CHID1: variants seen among roughly 807,000 people sequenced by gnomAD.
CHID1 encodes chitinase domain-containing protein 1.
A neutral mutation model predicts 55.4 loss-of-function variants in CHID1; 44 were observed. The ratio of observed to expected loss-of-function variants is 0.79; its 90% CI spans 0.62 to 1.02. CHID1 has a LOEUF of 1.02. Ranked by LOEUF, CHID1 falls within the 50% of genes least tolerant of loss-of-function variation. CHID1 has a pLI of 0.00. For missense variants in CHID1, 491 were observed against 515.3 expected, an observed-to-expected ratio of 0.95 and a Z score of 0.46; for synonymous variants, 216 against 212.9, an observed-to-expected ratio of 1.01 and a Z score of -0.13.
At chr11:905,265 G>A (rs937677100) in intron 1 of CHID1, among the ~76,000 whole-genome samples, 2 of 152,278 alleles carry the variant, frequency 1.3e-5, no homozygotes, top group South Asian at 2.1e-4. Flanking sequence ...GCTGGGCCAC[G>A]TGGCGGCTCA....
chr11:883,416 TAG>T, intron 9 of CHID1, 113 bp from the exon 10 acceptor site: 1 of 1,114,648 alleles, frequency 9.0e-7, no homozygotes. Context: ...CTGACACCTC[TAG>T]AGAGTTGTAA....
intron 8 of CHID1, among the ~76,000 whole-genome samples, chr11:891,193 C>T (rs1850790049): frequency 6.6e-6 from 1 of 152,172 alleles, no homozygotes. Flanking sequence ...CTTCACCGGC[C>T]CCGCCGACTG....
chr11:900,080 T>TA lies in CHID1; in HGVS notation c.469dup (p.Tyr157LeufsTer3). 1 of 1,613,926 alleles carries TA rather than the reference T, an allele frequency of 6.2e-7. No individual in the cohort carries two copies. Among genetic ancestry groups the TA allele is most frequent in the Non-Finnish European group, 8.5e-7 (1 of 1,179,924 alleles). Reference sequence around the variant, plus strand: ...GTCTAAGACGTTCCGGAAATCATCGTAAGTCCAGTCCTCAAACAGGAGCCG... The same window carrying TA: ...GTCTAAGACGTTCCGGAAATCATCGTAAAGTCCAGTCCTCAAACAGGAGCCG... On this transcript the variant is annotated frameshift_variant, in exon 6 of 13. Transcript: ENST00000323578. LOFTEE classifies it high-confidence loss of function.
At chr11:907,373 C>T (rs552434722) in intron 1 of CHID1, among the ~76,000 whole-genome samples, 13 of 151,798 alleles carry the variant, frequency 8.6e-5, no homozygotes, top group Non-Finnish European at 1.5e-4. Context: ...CCCAGCTATT[C>T]GAGAGGCTGA....
rs574715394 is a variant in CHID1 at position 885,879 on chromosome 11, G to A, written c.702-1710C>T. 5.9e-5 allele frequency among the ~76,000 whole-genome samples: 9 copies of A among 152,278 alleles called. No individual in the cohort carries two copies. The East Asian group carries it at 1.4e-3, about 23-fold the overall frequency. Reference sequence around the variant, plus strand: ...TTCAAAAAGGAAAAATGGGCCGGGCGCAGTGGCTCACGCCTGTAATCCCAG... The same window carrying A: ...TTCAAAAAGGAAAAATGGGCCGGGCACAGTGGCTCACGCCTGTAATCCCAG... On this transcript the variant is annotated intron_variant, in intron 8 of 12. Coordinates refer to ENST00000323578, the MANE Select transcript of CHID1 (RefSeq NM_023947.4).
chr11:910,074 T>A (rs937860070), intron 1 of CHID1, among the ~76,000 whole-genome samples: 3 of 151,262 alleles, frequency 2.0e-5, no homozygotes, highest in Admixed American at 6.6e-5. Context: ...AAAAAAAAAA[T>A]TCTTAGCTGA....
In CHID1 at chr11:906,757, G is replaced by A. The variant is rs376615600; in HGVS notation, c.-43-1898C>T. Among the ~76,000 whole-genome samples, 50 of 152,268 alleles carry A rather than the reference G, an allele frequency of 3.3e-4. 1 individual carries two copies. Among genetic ancestry groups the A allele is most frequent in the African/African-American group, 6.3e-4 (26 of 41,550 alleles). ...CAAAACAAAAAAGTAGCCTGGGCGCGGGGGCTCACGCCTGTAATCACACCA... is the reference window on the plus strand; with the variant it reads ...CAAAACAAAAAAGTAGCCTGGGCGCAGGGGCTCACGCCTGTAATCACACCA... On this transcript the variant is annotated intron_variant, in intron 1 of 12. Coordinates refer to ENST00000323578, the MANE Select transcript of CHID1 (RefSeq NM_023947.4).
rs1278204752 is a variant in CHID1, at chr11:900,950, T to G, written c.425A>C (p.Lys142Thr). 1 of 1,603,466 alleles carries G rather than the reference T, an allele frequency of 6.2e-7. No individual in the cohort carries two copies. The highest frequency in any genetic ancestry group is 1.1e-5 in the South Asian group (1 of 89,396). Reference sequence around the variant, plus strand: ...GCCGCACTTACCTATGTGCAGGCCCTTGGCATGCTTCCTGACAGCTCGCAT... The same window carrying G: ...GCCGCACTTACCTATGTGCAGGCCCGTGGCATGCTTCCTGACAGCTCGCAT... ...GWMRAVRKHA[K>T]GLHIVPRLLF... The change falls in exon 5 of 13, where the codon AAG (lysine) becomes ACG (threonine). Residue 142 changes from lysine to threonine, a missense_variant. Lys to Thr is a moderately conservative substitution (Grantham distance 78). Coordinates refer to ENST00000323578, the MANE Select transcript of CHID1 (RefSeq NM_023947.4).
chr11:886,093 G>A (rs1850370792), intron 8 of CHID1, among the ~76,000 whole-genome samples: 1 of 148,682 alleles, frequency 6.7e-6, no homozygotes, highest in Non-Finnish European at 1.5e-5. Context: ...GAAGCTTACA[G>A]TGAGCCGAGA....
rs186270684 is a variant in CHID1, at chr11:899,948, G to A, written c.546+56C>T. ...GCCTCGCGGGAGGCCCAGCCAGACG[G>A]CCAGGTGGGACCCGGGGGGCTGTGC... On this transcript the variant is annotated intron_variant, in intron 6 of 12. Coordinates refer to ENST00000323578, the MANE Select transcript of CHID1 (RefSeq NM_023947.4). 5.8e-5 allele frequency: 79 copies of A among 1,367,640 alleles called. No individual in the cohort carries two copies. The Admixed American group carries it at 6.2e-4, about 11-fold the overall frequency. The allele number at this position is 1,367,640 out of a possible 1,614,324, so 84.7% of individuals were successfully genotyped here.
intron 8 of CHID1, among the ~76,000 whole-genome samples, chr11:892,114 C>CAA (rs11308953): frequency 2.0e-5 from 3 of 149,946 alleles, no homozygotes; most frequent in Non-Finnish European, 4.4e-5. Context: ...GACTCTATCT[C>CAA]AAAAAAAAAG....
Position 870,685 on chromosome 11 carries a change from G to A in CHID1, c.960-186C>T, listed in dbSNP as rs995572111. The A allele has an allele frequency of 6.0e-5, 34 of 569,598 alleles. No individual in the cohort carries two copies. In the Admixed American group the frequency reaches 1.0e-3, roughly 17 times the overall value. The allele number at this position is 569,598 out of a possible 1,614,324, so 35.3% of individuals were successfully genotyped here. On this transcript the variant is annotated intron_variant, in intron 10 of 12. Coordinates refer to ENST00000323578, the MANE Select transcript of CHID1 (RefSeq NM_023947.4). The stretch of plus-strand genomic sequence containing the variant: ...CAGGCCGTGTGAACCCTGTATTAGA[G>A]GAAACCTCAGGAAAAACATCTTCCA...
At chr11:898,655 A>C (rs980591228) in intron 7 of CHID1, among the ~76,000 whole-genome samples, 17 of 152,180 alleles carry the variant, frequency 1.1e-4, no homozygotes, top group Non-Finnish European at 1.8e-4. Context: ...GGACCAAGGA[A>C]GGGCCATTCC....
At chr11:872,553 G>C (rs1446614977) in intron 10 of CHID1, among the ~76,000 whole-genome samples, 1 of 152,204 alleles carries the variant, frequency 6.6e-6, no homozygotes, top group African/African-American at 2.4e-5. Context: ...TCCTGTGGCT[G>C]GGCCAGGCCC....
chr11:886,730 G>A (rs185646539), intron 8 of CHID1, among the ~76,000 whole-genome samples: 616 of 152,336 alleles, frequency 4.0e-3, no homozygotes, highest in Middle Eastern at 0.01. Flanking sequence ...GCGCCTCTCC[G>A]AGTCGGTCCC....
rs749082703 is a variant in CHID1 at position 900,109 on chromosome 11, C to T, written c.441G>A (p.Val147=). The change falls in exon 6 of 13, where the codon GTG becomes GTA. Residue 147 remains valine, a splice_region_variant and synonymous_variant. Transcript: ENST00000323578. The stretch of plus-strand genomic sequence containing the variant: ...TCCAGTCCTCAAACAGGAGCCGAGG[C>T]ACTGCAGGGGCAACAGACACACACG... ...VRKHAKGLHI[V]PRLLFEDWTY... The T allele has an allele frequency of 1.2e-6, 2 of 1,612,542 alleles. No homozygotes were observed. The highest frequency in any genetic ancestry group is 1.7e-4 in the Middle Eastern group (1 of 6,060).
In CHID1 at chr11:868,338, G is replaced by A. The variant is rs1848979332; in HGVS notation, c.*1520C>T. 6.6e-6 allele frequency: 1 copy of A among 152,210 alleles called. No individual in the cohort carries two copies. The highest frequency in any genetic ancestry group is 1.5e-5 in the Non-Finnish European group (1 of 68,048). The allele number at this position is 152,210 out of a possible 1,614,324, so 9.4% of individuals were successfully genotyped here. On this transcript the variant is annotated 3_prime_UTR_variant, in exon 13 of 13. Coordinates refer to ENST00000323578, the MANE Select transcript of CHID1 (RefSeq NM_023947.4). The stretch of plus-strand genomic sequence containing the variant: ...CTCACTGCAGCCTCAACCTCATCAA[G>A]CGATCCTCCCATCTCAGCCTCCTGA...
At chr11:884,700 T>G (rs1850263504) in intron 8 of CHID1, among the ~76,000 whole-genome samples, 1 of 152,158 alleles carries the variant, frequency 6.6e-6, no homozygotes, top group Non-Finnish European at 1.5e-5. Flanking sequence ...GAAGGACAAG[T>G]GCTTGGCTCC....
At chr11:899,959 C>T in intron 6 of CHID1, 45 bp downstream of exon 6, 1 of 1,477,738 alleles carries the variant, frequency 6.8e-7, no homozygotes, top group Non-Finnish European at 9.4e-7. Flanking sequence ...CCAGGTGGGA[C>T]CCGGGGGGCT....
Sources: gnomAD v4.1 joint callset for allele counts (sites outside exome capture counted in the v4.1 genomes callset) on GRCh38, gnomAD v4.1.1 for gene constraint, MANE v1.5 for transcripts, NCBI Gene and HGNC (gene_info 2026-07-23, HGNC 2026-07-21) for gene names.